Variants in FNBP1 observed in about 807,000 individuals in gnomAD.
FNBP1 encodes the protein formin binding protein 1.
A neutral mutation model predicts 90.6 loss-of-function variants in FNBP1; 26 were observed. That is an observed-to-expected ratio of 0.29 (90% confidence interval 0.21 to 0.40). FNBP1 has a LOEUF of 0.40. Ranked by LOEUF, FNBP1 falls within the 10% of genes least tolerant of loss-of-function variation. FNBP1 has a pLI of 1.00. For synonymous variants in FNBP1, 260 were observed against 265.2 expected (o/e 0.98, Z 0.19); for missense variants, 635 against 768.0 (o/e 0.83, Z 2.05).
intron 8 of FNBP1, among the ~76,000 whole-genome samples, chr9:129,926,146 A>T (rs534280544): frequency 6.6e-6 from 1 of 151,432 alleles, no homozygotes; most frequent in East Asian, 2.0e-4. Context: ...TAATTTTTGT[A>T]TTTTTAGTAG....
intron 13 of FNBP1, among the ~76,000 whole-genome samples, chr9:129,901,301 G>GA (rs1428689496): frequency 6.6e-6 from 1 of 151,982 alleles, no homozygotes; most frequent in African/African-American, 2.4e-5. Context: ...AGCACTTTGG[G>GA]AGAGGTGGGC....
At chr9:129,921,381 T>C (rs117793764) in intron 10 of FNBP1, among the ~76,000 whole-genome samples, 1,924 of 151,864 alleles carry the variant, frequency 0.013, 17 homozygotes, top group Middle Eastern at 0.024. Context: ...TGCCTGGCTA[T>C]TTTTTCATGG....
At chr9:129,960,060 C>A (rs2047552737) in intron 4 of FNBP1, among the ~76,000 whole-genome samples, 1 of 151,986 alleles carries the variant, frequency 6.6e-6, no homozygotes, top group Non-Finnish European at 1.5e-5. Context: ...TTTTGTTTAT[C>A]CATTCAACAG....
chr9:129,905,879 C>CTTTTTTTTTTTTTTTTTTTTTTTTTTT, intron 12 of FNBP1, among the ~76,000 whole-genome samples: 1 of 145,394 alleles, frequency 6.9e-6, no homozygotes, highest in Non-Finnish European at 1.5e-5. Flanking sequence ...AGGCATATTT[C>CTTTTTTTTTTTTTTTTTTTTTTTTTTT]TTTTTTTTTT....
At chr9:129,898,860 C>T (rs1239131676) in intron 15 of FNBP1, among the ~76,000 whole-genome samples, 2 of 151,910 alleles carry the variant, frequency 1.3e-5, no homozygotes, top group Non-Finnish European at 2.9e-5. Context: ...CTGCATCCCC[C>T]CACTTCATGG....
chr9:129,935,226 C>T (rs758830575), intron 6 of FNBP1, among the ~76,000 whole-genome samples: 5 of 149,906 alleles, frequency 3.3e-5, no homozygotes, highest in African/African-American at 4.9e-5. Context: ...TGGGCTCAGG[C>T]GACCCTGCCA....
chr9:129,892,911 T>C (rs1283239049), intron 16 of FNBP1, among the ~76,000 whole-genome samples: 1 of 142,882 alleles, frequency 7.0e-6, no homozygotes. Context: ...CCATTCCCCC[T>C]GAAACCAACT....
intron 8 of FNBP1, among the ~76,000 whole-genome samples, chr9:129,926,395 C>A (rs1022483803): frequency 6.6e-6 from 1 of 152,130 alleles, no homozygotes; most frequent in Non-Finnish European, 1.5e-5. Context: ...GAACACTGCC[C>A]TAAAGCAGTA....
At chr9:129,938,020 C>A (rs1430462401) in intron 6 of FNBP1, among the ~76,000 whole-genome samples, 1 of 151,828 alleles carries the variant, frequency 6.6e-6, no homozygotes, top group Non-Finnish European at 1.5e-5. Context: ...AAAAATTAGT[C>A]GAGTGTGGTG....
At chr9:130,036,945 T>G (rs2059370626) in intron 1 of FNBP1, among the ~76,000 whole-genome samples, 1 of 150,886 alleles carries the variant, frequency 6.6e-6, no homozygotes, top group Admixed American at 6.6e-5. Context: ...CTCGGGAGGC[T>G]GAGGCGGGAG....
At chr9:129,965,199 T>C (rs1378358833) in intron 4 of FNBP1, among the ~76,000 whole-genome samples, 1 of 152,174 alleles carries the variant, frequency 6.6e-6, no homozygotes, top group African/African-American at 2.4e-5. Context: ...AGTGGGTATG[T>C]CGTACCCCAC....
intron 1 of FNBP1, 102 bp from the exon 2 acceptor site, chr9:129,995,060 A>C: frequency 1.5e-6 from 1 of 674,404 alleles, no homozygotes; most frequent in Non-Finnish European, 2.6e-6. Flanking sequence ...ACAAAGTAGT[A>C]CTAATATTTT....
intron 1 of FNBP1, among the ~76,000 whole-genome samples, chr9:130,004,156 T>C (rs966457043): frequency 6.7e-6 from 1 of 148,342 alleles, no homozygotes; most frequent in Non-Finnish European, 1.5e-5. Flanking sequence ...TCAACTACTC[T>C]GGAGGCTGAG....
In FNBP1 at chr9:129,888,281, C is replaced by T; in HGVS notation, c.*2258G>A. 4.3e-6 allele frequency: 1 copy of T among 232,594 alleles called. No individual in the cohort carries two copies. The highest frequency in any genetic ancestry group is 2.2e-5 in the African/African-American group (1 of 45,420). The allele number at this position is 232,594 out of a possible 1,614,324, so 14.4% of individuals were successfully genotyped here. A position where few individuals can be genotyped will look rare whatever the true frequency, so the allele number is the denominator to read the frequency against. ...ACATGCATTCCCGAGGCTCTAAAATCCCATTTTAAAGAACCGTTTCACATC... is the reference window on the plus strand; with the variant it reads ...ACATGCATTCCCGAGGCTCTAAAATTCCATTTTAAAGAACCGTTTCACATC... On this transcript the variant is annotated 3_prime_UTR_variant, in exon 17 of 17. Transcript: ENST00000446176.
Position 129,889,176 on chromosome 9 carries a change from C to G in FNBP1, c.*1363G>C, listed in dbSNP as rs1300540647. The G allele has an allele frequency of 4.7e-6, 1 of 213,844 alleles. No individual in the cohort carries two copies. Among genetic ancestry groups the G allele is most frequent in the Non-Finnish European group, 9.4e-6 (1 of 105,830 alleles). 13.2% of individuals were successfully genotyped at this position (213,844 alleles called of 1,614,324 possible). On this transcript the variant is annotated 3_prime_UTR_variant, in exon 17 of 17. Coordinates refer to ENST00000446176, the MANE Select transcript of FNBP1 (RefSeq NM_015033.3). ...AACTTGGCTCTAAAAGCAAACTCAA[C>G]GAATTCCACATGCCCTGAAGAGCAC...
chr9:129,914,876 T>C lies in FNBP1; in HGVS notation c.1185+1090A>G, dbSNP rs541671331. On this transcript the variant is annotated intron_variant, in intron 11 of 16. Coordinates refer to ENST00000446176, the MANE Select transcript of FNBP1 (RefSeq NM_015033.3). Reference sequence around the variant, plus strand: ...CTCCTAGTAGAACTGTCACAGTTGATCACTGTCCATTATTTTAGGATATTC... The same window carrying C: ...CTCCTAGTAGAACTGTCACAGTTGACCACTGTCCATTATTTTAGGATATTC... 1.5e-5 allele frequency: 7 copies of C among 460,310 alleles called. No individual in the cohort carries two copies. In the East Asian group the frequency reaches 4.6e-4, roughly 30 times the overall value. The allele number at this position is 460,310 out of a possible 1,614,324, so 28.5% of individuals were successfully genotyped here.
At chr9:130,015,314 A>G (rs1434746868) in intron 1 of FNBP1, among the ~76,000 whole-genome samples, 2 of 152,232 alleles carry the variant, frequency 1.3e-5, no homozygotes, top group African/African-American at 4.8e-5. Flanking sequence ...AATATCAGAA[A>G]GATTAATTCA....
At chr9:129,946,788 C>A (rs935142863) in intron 6 of FNBP1, among the ~76,000 whole-genome samples, 1 of 152,216 alleles carries the variant, frequency 6.6e-6, no homozygotes, top group African/African-American at 2.4e-5. Flanking sequence ...TAAGAGCCAA[C>A]AGTCATAAGG....
intron 4 of FNBP1, among the ~76,000 whole-genome samples, chr9:129,960,322 T>C (rs892354963): frequency 3.6e-5 from 5 of 140,224 alleles, no homozygotes; most frequent in African/African-American, 1.4e-4. Flanking sequence ...GAGGTTGCAC[T>C]GCACTGAGCC....
Sources: gnomAD v4.1 joint callset for allele counts (sites outside exome capture counted in the v4.1 genomes callset) on GRCh38, gnomAD v4.1.1 for gene constraint, MANE v1.5 for transcripts, NCBI Gene and HGNC (gene_info 2026-07-23, HGNC 2026-07-21) for gene names.